The following AAMDC variants were observed in gnomAD, a reference collection of about 807,000 sequenced individuals.
AAMDC encodes mth938 domain-containing protein.
AAMDC carries 16 observed loss-of-function variants against 15.5 expected under a neutral mutation model. The ratio of observed to expected loss-of-function variants is 1.03; its 90% CI spans 0.70 to 1.57. The LOEUF is 1.57. Among genes scored for constraint, AAMDC ranks in the 40% most tolerant of loss-of-function variants. The pLI is 0.00. For missense variants in AAMDC, 141 were observed against 144.9 expected (o/e 0.97, Z 0.14); for synonymous variants, 51 against 51.6 (o/e 0.99, Z 0.05).
chr11:77,845,633 T>G (rs190593898), intron 2 of AAMDC, among the ~76,000 whole-genome samples: 8 of 152,268 alleles, frequency 5.3e-5, no homozygotes, highest in African/African-American at 1.7e-4. Context: ...TTTTACCATG[T>G]TGGCCAGGCT....
chr11:77,891,568 C>T, intron 5 of AAMDC: 1 of 1,563,604 alleles, frequency 6.4e-7, no homozygotes, highest in Non-Finnish European at 8.7e-7. Context: ...ATGTGGGAGC[C>T]ACTCAGAGGA....
chr11:77,886,445 C>T (rs1228372310), intron 5 of AAMDC, among the ~76,000 whole-genome samples: 1 of 151,128 alleles, frequency 6.6e-6, no homozygotes, highest in Non-Finnish European at 1.5e-5. Context: ...AGGCCCGCGG[C>T]GGGTGTTGAT....
chr11:77,840,670 A>G (rs1949891381), intron 1 of AAMDC, among the ~76,000 whole-genome samples: 1 of 152,046 alleles, frequency 6.6e-6, no homozygotes, highest in South Asian at 2.1e-4. Context: ...TGGCCTCCCA[A>G]TGTGCTGGGA....
intron 2 of AAMDC, chr11:77,866,640 G>A (rs1951123147): frequency 6.6e-6 from 1 of 151,816 alleles, no homozygotes; most frequent in African/African-American, 2.4e-5. Flanking sequence ...AGTCTCCTAT[G>A]ACCTTACACT....
chr11:77,858,302 CTTTTTTTT>C lies in AAMDC; in HGVS notation c.133-11402_133-11395del, dbSNP rs71473358. On this transcript the variant is annotated intron_variant, in intron 2 of 3. Coordinates refer to ENST00000393427, the MANE Select transcript of AAMDC (RefSeq NM_024684.4). ...CTCCACCTCCTGCGTTTAAGCAATTCTTTTTTTTTTTTTTTTTTTTTTTTTGTAGTTGC... is the reference window on the plus strand; with the variant it reads ...CTCCACCTCCTGCGTTTAAGCAATTCTTTTTTTTTTTTTTTTTGTAGTTGC... Among the ~76,000 whole-genome samples, 58 of 69,362 alleles carry C rather than the reference CTTTTTTTT, an allele frequency of 8.4e-4. 1 individual carries two copies. The highest frequency in any genetic ancestry group is 3.5e-3 in the African/African-American group (57 of 16,274). 45.5% of individuals were successfully genotyped at this position (69,362 alleles called of 152,430 possible). A position where few individuals can be genotyped will look rare whatever the true frequency, so the allele number is the denominator to read the frequency against.
At chr11:77,828,670 G>GAAA (rs34504909) in intron 1 of AAMDC, among the ~76,000 whole-genome samples, 1 of 83,926 alleles carries the variant, frequency 1.2e-5, no homozygotes. Flanking sequence ...ACTCCATCTC[G>GAAA]AAAAAAAAAA....
At chr11:77,904,715 A>G (rs181914028), downstream of AAMDC, among the ~76,000 whole-genome samples, 1 of 152,326 alleles carries the variant, frequency 6.6e-6, no homozygotes, top group African/African-American at 2.4e-5. Context: ...GTCAGAAAGC[A>G]GAATTAAGTT....
At chr11:77,824,857 G>A (rs564743734) in intron 1 of AAMDC, among the ~76,000 whole-genome samples, 2 of 152,318 alleles carry the variant, frequency 1.3e-5, no homozygotes, top group South Asian at 4.1e-4. Context: ...AATTTTAGAA[G>A]TTAATGGTTT....
At chr11:77,821,576 G>GCT (rs1168015882) in intron 1 of AAMDC, among the ~76,000 whole-genome samples, 1 of 152,122 alleles carries the variant, frequency 6.6e-6, no homozygotes, top group Non-Finnish European at 1.5e-5. Context: ...AGGAGACCAG[G>GCT]CTCTGCTAGG....
At chr11:77,831,187 A>G (rs916035167) in intron 1 of AAMDC, among the ~76,000 whole-genome samples, 8 of 152,060 alleles carry the variant, frequency 5.3e-5, no homozygotes, top group African/African-American at 1.4e-4. Context: ...CACACCCACA[A>G]TGATGGTTTG....
At position 77,891,533 on chromosome 11, in the gene AAMDC, C is replaced by G. The variant is rs539413825; in HGVS notation, c.329-9038C>G. The G allele has an allele frequency of 1.4e-4, 221 of 1,589,230 alleles. 1 individual carries two copies. In the South Asian group the frequency reaches 2.3e-3, roughly 17 times the overall value. ...CTGGATGAGAAAACGCATCTTTTTT[C>G]TGTCTCCTTATCTAATGAGTGGGCA... On this transcript the variant is annotated intron_variant, in intron 5 of 5. Coordinates refer to the AAMDC transcript ENST00000304716.
intron 5 of AAMDC, among the ~76,000 whole-genome samples, chr11:77,885,225 C>A (rs889079434): frequency 1.3e-5 from 2 of 152,004 alleles, no homozygotes. Flanking sequence ...TTACAGGCGC[C>A]CACCGTCATG....
chr11:77,831,867 T>G (rs1338793705), intron 1 of AAMDC: 1 of 146,124 alleles, frequency 6.8e-6, no homozygotes, highest in Non-Finnish European at 1.4e-5. Context: ...GGCTAATTTT[T>G]TTTTTTTTTT....
chr11:77,874,999 G>A (rs936629760), downstream of AAMDC, among the ~76,000 whole-genome samples: 1 of 150,010 alleles, frequency 6.7e-6, no homozygotes, highest in African/African-American at 2.5e-5. Context: ...GTGAGATCGT[G>A]CCACTGCACT....
chr11:77,900,285 G>A (rs1952726558), intron 5 of AAMDC, among the ~76,000 whole-genome samples: 1 of 151,908 alleles, frequency 6.6e-6, no homozygotes, highest in South Asian at 2.1e-4. Context: ...ATTTTTAGTA[G>A]AGACAGGGTT....
chr11:77,827,154 C>T (rs556626427), intron 1 of AAMDC, among the ~76,000 whole-genome samples: 1 of 151,942 alleles, frequency 6.6e-6, no homozygotes, highest in Non-Finnish European at 1.5e-5. Flanking sequence ...CTGGCCCCGC[C>T]CCCCTCAGAA....
chr11:77,873,365 T>TATC (rs946612386), downstream of AAMDC, among the ~76,000 whole-genome samples: 8 of 152,340 alleles, frequency 5.3e-5, no homozygotes, highest in African/African-American at 1.9e-4. Flanking sequence ...CTGTTGTCCT[T>TATC]ATCTTTCTAT....
At chr11:77,872,988 G>GC (rs1951497244), downstream of AAMDC, among the ~76,000 whole-genome samples, 2 of 152,194 alleles carry the variant, frequency 1.3e-5, no homozygotes, top group South Asian at 4.1e-4. Context: ...GTTGGGGCTG[G>GC]CTAGATGCCC....
chr11:77,871,328 A>G lies in AAMDC; in HGVS notation c.229-847A>G, dbSNP rs143673448. On this transcript the variant is annotated intron_variant, in intron 3 of 3. Coordinates refer to ENST00000393427, the MANE Select transcript of AAMDC (RefSeq NM_024684.4). Reference sequence around the variant, plus strand: ...TATCTAATAATAGCTGTCACTATTAAGAACATCTTTTATATAAATTCATTT... The same window carrying G: ...TATCTAATAATAGCTGTCACTATTAGGAACATCTTTTATATAAATTCATTT... Among the ~76,000 whole-genome samples the G allele has an allele frequency of 2.7e-3, 404 of 152,366 alleles. 1 individual carries two copies. Among genetic ancestry groups the G allele is most frequent in the African/African-American group, 9.1e-3 (378 of 41,594 alleles).
Sources: allele counts gnomAD v4.1 joint callset (sites outside exome capture counted in the v4.1 genomes callset), GRCh38; gene constraint gnomAD v4.1.1; transcripts MANE v1.5; gene names NCBI Gene and HGNC (gene_info 2026-07-23, HGNC 2026-07-21).